DPH6: variants seen among roughly 807,000 people sequenced by gnomAD.
DPH6 encodes diphthamine biosynthesis 6.
In DPH6, 33 loss-of-function variants were observed where a neutral mutation model predicts 38.2. The ratio of observed to expected loss-of-function variants is 0.86; its 90% CI spans 0.65 to 1.15. DPH6 has a LOEUF of 1.15. Ranked by LOEUF, DPH6 falls within the 50% of genes most tolerant of loss-of-function variation. The probability of loss-of-function intolerance (pLI) is 0.00; values close to 1 mark genes in which losing one functional copy is unlikely to be tolerated. For missense variants in DPH6, 325 were observed against 320.0 expected (o/e 1.02, Z -0.12); for synonymous variants, 108 against 103.0 (o/e 1.05, Z -0.30).
At chr15:35,299,492 G>A (rs1048369817) in intron 3 of DPH6, 3 of 740,562 alleles carry the variant, frequency 4.1e-6, no homozygotes, top group African/African-American at 1.7e-5. Context: ...CATGGGCCGC[G>A]GTGGCGGCAG....
At chr15:35,310,224 TTGCAAAATAATTGAAGCACTAGGCA>T (rs1430490121) in intron 3 of DPH6, among the ~76,000 whole-genome samples, 1 of 152,178 alleles carries the variant, frequency 6.6e-6, no homozygotes, top group African/African-American at 2.4e-5. Context: ...AATGGCATTT[TTGCAAAATAATTGAAGCACTAGGCA>T]TTCCCCATGC....
chr15:35,512,562 C>T (rs746498399), intron 3 of DPH6, among the ~76,000 whole-genome samples: 2 of 152,004 alleles, frequency 1.3e-5, no homozygotes, highest in Non-Finnish European at 2.9e-5. Context: ...GAAAAAGTCA[C>T]CTTATGCCTT....
At chr15:35,169,812 T>C in the DPH6 span, 2 of 152,190 alleles carry the variant, frequency 1.3e-5, no homozygotes, top group African/African-American at 2.4e-5. Context: ...AAATGTTAGC[T>C]CTAGAAAGGC....
intron 1 of DPH6, among the ~76,000 whole-genome samples, chr15:35,543,259 A>AATATATATAT (rs6145522): frequency 3.6e-3 from 412 of 113,988 alleles, no homozygotes; most frequent in Non-Finnish European, 5.6e-3. Flanking sequence ...ACATACACAT[A>AATATATATAT]ATATATATAT....
intron 3 of DPH6, among the ~76,000 whole-genome samples, chr15:35,537,810 C>T (rs2055192691): frequency 1.3e-5 from 2 of 152,066 alleles, no homozygotes; most frequent in South Asian, 4.1e-4. Context: ...TCATATTACT[C>T]TTCACTATCA....
intron 6 of DPH6, chr15:35,401,352 T>C (rs2140977605): frequency 2.6e-6 from 2 of 759,130 alleles, no homozygotes. Context: ...GCTGTGGTGC[T>C]GATGGGTATG....
At chr15:35,437,631 A>T (rs1175243300) in intron 5 of DPH6, among the ~76,000 whole-genome samples, 1 of 152,226 alleles carries the variant, frequency 6.6e-6, no homozygotes, top group African/African-American at 2.4e-5. Context: ...CTTAAGCTAT[A>T]GCCAAACTGG....
At chr15:35,197,099 G>A in the DPH6 span, among the ~76,000 whole-genome samples, 1 of 152,270 alleles carries the variant, frequency 6.6e-6, no homozygotes, top group East Asian at 1.9e-4. Flanking sequence ...TACAAGGTAT[G>A]TTAGCACACA....
chr15:35,496,761 T>C (rs1260140745), intron 3 of DPH6, among the ~76,000 whole-genome samples: 1 of 151,384 alleles, frequency 6.6e-6, no homozygotes, highest in African/African-American at 2.4e-5. Flanking sequence ...TAACAGTACA[T>C]AACACCAGAA....
At chr15:35,401,539 G>A in intron 6 of DPH6, 2 of 771,858 alleles carry the variant, frequency 2.6e-6, no homozygotes, top group South Asian at 2.7e-5. Flanking sequence ...AGGCAGAGGT[G>A]GCTTTGGTGG....
intron 5 of DPH6, among the ~76,000 whole-genome samples, chr15:35,438,083 C>T (rs546068204): frequency 1.3e-5 from 2 of 151,482 alleles, no homozygotes; most frequent in Admixed American, 6.5e-5. Context: ...TCATAAACAG[C>T]GCTGAGCTAA....
At position 35,316,384 on chromosome 15, in the gene DPH6, A is replaced by G. The variant is rs553890780; in HGVS notation, n.200+57137T>C. ...TAATATGTCAAAAATAGATGATAGG[A>G]TGAATAATTTATAGATTCCAGAGAG... On this transcript the variant is annotated intron_variant and non_coding_transcript_variant, in intron 3 of 3. Coordinates refer to the DPH6 transcript ENST00000560386. Among the ~76,000 whole-genome samples, 26 of 152,330 alleles carry G rather than the reference A, an allele frequency of 1.7e-4. No individual in the cohort carries two copies. The East Asian group carries it at 4.4e-3, about 26-fold the overall frequency.
At chr15:35,383,309 T>C (rs895911590) in intron 6 of DPH6, among the ~76,000 whole-genome samples, 2 of 152,230 alleles carry the variant, frequency 1.3e-5, no homozygotes, top group African/African-American at 4.8e-5. Flanking sequence ...AAAAGACTCA[T>C]ATATTCAAGA....
At chr15:35,353,844 G>C (rs1357599297) in intron 3 of DPH6, among the ~76,000 whole-genome samples, 6 of 152,230 alleles carry the variant, frequency 3.9e-5, no homozygotes, top group Admixed American at 2.6e-4. Context: ...GATGGGGATG[G>C]CATTGAATCT....
At chr15:35,537,484 T>C (rs1157471202) in intron 3 of DPH6, among the ~76,000 whole-genome samples, 1 of 152,118 alleles carries the variant, frequency 6.6e-6, no homozygotes, top group Non-Finnish European at 1.5e-5. Flanking sequence ...TCAATAAAAA[T>C]GAAAAGATAG....
chr15:35,311,898 A>G (rs2052144731), intron 3 of DPH6, among the ~76,000 whole-genome samples: 1 of 152,040 alleles, frequency 6.6e-6, no homozygotes, highest in African/African-American at 2.4e-5. Context: ...AGGTTAGCCA[A>G]CAGTAGATGA....
the DPH6 span, among the ~76,000 whole-genome samples, chr15:35,146,136 A>C: frequency 1.3e-5 from 2 of 151,660 alleles, no homozygotes; most frequent in Non-Finnish European, 2.9e-5. Flanking sequence ...TGAGCACTTT[A>C]TTCAAAGTTT....
At chr15:35,471,929 C>A (rs1349891502) in intron 3 of DPH6, among the ~76,000 whole-genome samples, 4 of 150,114 alleles carry the variant, frequency 2.7e-5, no homozygotes, top group Non-Finnish European at 5.9e-5. Context: ...GAGAAGAATT[C>A]AGCTATTTGT....
chr15:35,372,080 A>G lies in DPH6; in HGVS notation c.*70T>C. ...AGAAAAAAATAAACTAGTCATAGTA[A>G]CTGAGAAAATACTATGCAATTTTTT... On this transcript the variant is annotated 3_prime_UTR_variant, in exon 9 of 9. Coordinates refer to ENST00000256538, the MANE Select transcript of DPH6 (RefSeq NM_080650.4). The G allele has an allele frequency of 6.8e-7, 1 of 1,473,932 alleles. No homozygotes were observed. Among genetic ancestry groups the G allele is most frequent in the Non-Finnish European group, 8.9e-7 (1 of 1,117,334 alleles). The allele number at this position is 1,473,932 out of a possible 1,614,324, so 91.3% of individuals were successfully genotyped here.
Sources: gnomAD v4.1 joint callset for allele counts (sites outside exome capture counted in the v4.1 genomes callset) on GRCh38, gnomAD v4.1.1 for gene constraint, MANE v1.5 for transcripts, NCBI Gene and HGNC (gene_info 2026-07-23, HGNC 2026-07-21) for gene names.